The following LARGE1 variants were observed in gnomAD, a reference collection of about 807,000 sequenced individuals.
LARGE1 encodes xylosyl- and glucuronyltransferase LARGE1.
Under a neutral mutation model 87.6 loss-of-function variants are expected in LARGE1, and 43 were observed. The ratio of observed to expected loss-of-function variants is 0.49; its 90% CI spans 0.38 to 0.63. LARGE1 has a LOEUF of 0.63. LARGE1 is among the 30% of genes least tolerant of loss of function. The pLI is 0.00. For synonymous variants in LARGE1, 434 were observed against 394.6 expected (o/e 1.10, Z -1.18); for missense variants, 802 against 1,000.2 (o/e 0.80, Z 2.67).
At chr22:33,335,254 T>C (rs899519330) in intron 10 of LARGE1, among the ~76,000 whole-genome samples, 3 of 152,238 alleles carry the variant, frequency 2.0e-5, no homozygotes, top group Non-Finnish European at 2.9e-5. Context: ...CAGTGTTTGT[T>C]GAGCCTCTAA....
intron 2 of LARGE1, among the ~76,000 whole-genome samples, chr22:33,735,332 T>C (rs535987229): frequency 7.2e-5 from 11 of 152,356 alleles, no homozygotes; most frequent in African/African-American, 2.6e-4. Context: ...CAATATAAGC[T>C]GGATTTCTAA....
intron 7 of LARGE1, among the ~76,000 whole-genome samples, chr22:33,394,547 T>C (rs998448436): frequency 3.1e-4 from 47 of 152,184 alleles, no homozygotes; most frequent in African/African-American, 1.1e-3. Context: ...TGGAATTATC[T>C]CTATTTTACA....
intron 11 of LARGE1, among the ~76,000 whole-genome samples, chr22:33,315,745 T>C (rs185958825): frequency 5.3e-5 from 8 of 152,266 alleles, no homozygotes; most frequent in Admixed American, 5.2e-4. Context: ...TTCTCCTGCC[T>C]CAGCCTCCCC....
downstream of LARGE1, among the ~76,000 whole-genome samples, chr22:33,157,549 C>T (rs1042184618): frequency 6.6e-6 from 1 of 152,182 alleles, no homozygotes; most frequent in African/African-American, 2.4e-5. Context: ...CTTGTACCAA[C>T]AGAGAACCAC....
At chr22:33,073,340 C>T in the LARGE1 span, among the ~76,000 whole-genome samples, 14 of 152,166 alleles carry the variant, frequency 9.2e-5, no homozygotes, top group Admixed American at 2.0e-4. Flanking sequence ...TGTGCACACA[C>T]GTAACCCTGA....
intron 11 of LARGE1, among the ~76,000 whole-genome samples, chr22:33,199,843 CTT>C (rs3071494): frequency 0.48 from 69,765 of 146,596 alleles, 17,274 homozygotes; most frequent in African/African-American, 0.62. Context: ...CGTGCAGACA[CTT>C]TTTTTTTTTT....
chr22:33,637,511 C>T (rs1052099679), intron 3 of LARGE1, among the ~76,000 whole-genome samples: 1 of 152,090 alleles, frequency 6.6e-6, no homozygotes. Context: ...TATACTGTGT[C>T]AGAGCCGGGC....
At chr22:33,738,490 A>G (rs149094633) in intron 2 of LARGE1, among the ~76,000 whole-genome samples, 2 of 152,284 alleles carry the variant, frequency 1.3e-5, no homozygotes, top group Non-Finnish European at 2.9e-5. Context: ...GGAAGGGGGA[A>G]TAGTGTCCAT....
chr22:33,228,635 T>C (rs1925853665), intron 11 of LARGE1, among the ~76,000 whole-genome samples: 1 of 152,242 alleles, frequency 6.6e-6, no homozygotes, highest in Non-Finnish European at 1.5e-5. Flanking sequence ...AAATACATCT[T>C]TCTCTGCAAT....
At chr22:33,775,554 T>C (rs1218832236) in intron 1 of LARGE1, among the ~76,000 whole-genome samples, 1 of 152,142 alleles carries the variant, frequency 6.6e-6, no homozygotes, top group Non-Finnish European at 1.5e-5. Flanking sequence ...ATTTTGATTA[T>C]TAAGACTGGG....
chr22:33,073,703 A>G, the LARGE1 span, among the ~76,000 whole-genome samples: 1 of 152,146 alleles, frequency 6.6e-6, no homozygotes, highest in Non-Finnish European at 1.5e-5. Flanking sequence ...TATATCACAA[A>G]ACCCTACAAA....
intron 7 of LARGE1, among the ~76,000 whole-genome samples, chr22:33,414,999 T>C (rs933602141): frequency 4.6e-5 from 7 of 152,256 alleles, no homozygotes; most frequent in African/African-American, 1.4e-4. Flanking sequence ...TATTTTGTTA[T>C]AGCAGCCAGA....
At chr22:33,448,666 T>C (rs1406915006) in intron 6 of LARGE1, among the ~76,000 whole-genome samples, 3 of 152,114 alleles carry the variant, frequency 2.0e-5, no homozygotes, top group Non-Finnish European at 4.4e-5. Flanking sequence ...CCCTCAGCCT[T>C]CCCCATGTCA....
intron 6 of LARGE1, among the ~76,000 whole-genome samples, chr22:33,470,123 C>T (rs2068771365): frequency 6.6e-6 from 1 of 151,822 alleles, no homozygotes; most frequent in Non-Finnish European, 1.5e-5. Flanking sequence ...ATCTCCTGAC[C>T]TTGTGATCCA....
intron 10 of LARGE1, among the ~76,000 whole-genome samples, chr22:33,329,363 T>G (rs929091752): frequency 6.6e-6 from 1 of 152,212 alleles, no homozygotes; most frequent in African/African-American, 2.4e-5. Flanking sequence ...ATAATCTAGC[T>G]TTTAACATAA....
At chr22:33,324,053 G>A (rs1324300319) in intron 10 of LARGE1, among the ~76,000 whole-genome samples, 1 of 151,700 alleles carries the variant, frequency 6.6e-6, no homozygotes, top group African/African-American at 2.4e-5. Flanking sequence ...CCAACGTGGG[G>A]AAACCCCATC....
chr22:33,183,590 T>C (rs1295027691), intron 11 of LARGE1, among the ~76,000 whole-genome samples: 1 of 145,448 alleles, frequency 6.9e-6, no homozygotes, highest in Admixed American at 6.9e-5. Context: ...TAAGTCTCTA[T>C]TGATGGATAA....
intron 10 of LARGE1, among the ~76,000 whole-genome samples, chr22:33,337,131 AAG>A (rs1270697906): frequency 6.6e-6 from 1 of 152,146 alleles, no homozygotes; most frequent in East Asian, 1.9e-4. Context: ...ATAAGTGGTG[AAG>A]AGACAGAGAA....
intron 1 of LARGE1, among the ~76,000 whole-genome samples, chr22:33,833,834 T>A (rs1156343743): frequency 6.6e-6 from 1 of 152,070 alleles, no homozygotes; most frequent in East Asian, 1.9e-4. Flanking sequence ...GTTACAGGCA[T>A]GCGCCACCAC....
Sources: allele counts gnomAD v4.1 joint callset (sites outside exome capture counted in the v4.1 genomes callset), GRCh38; gene constraint gnomAD v4.1.1; transcripts MANE v1.5; gene names NCBI Gene and HGNC (gene_info 2026-07-23, HGNC 2026-07-21).